ST18: variants seen among roughly 807,000 people sequenced by gnomAD.
The protein encoded by ST18 is ST18 C2H2C-type zinc finger transcription factor.
Under a neutral mutation model 110.0 loss-of-function variants are expected in ST18, and 50 were observed. The ratio of observed to expected loss-of-function variants is 0.45; its 90% confidence interval spans 0.36 to 0.58. The LOEUF (loss-of-function observed/expected upper bound fraction) is 0.58, where lower values mean the gene tolerates loss of function less well. ST18 is among the 20% of genes least tolerant of loss of function. The pLI is 0.00. For synonymous variants in ST18, 461 were observed against 452.4 expected, an observed-to-expected ratio of 1.02 and a Z score of -0.24; for missense variants, 1,306 against 1,280.1, an observed-to-expected ratio of 1.02 and a Z score of -0.31.
rs75164967 is a variant in ST18, at chr8:52,188,167, T to A, written c.87-7855A>T. On this transcript the variant is annotated intron_variant, in intron 8 of 25. Transcript: ENST00000689386. ...AGAAAAGAGATAGAAAATCCTTAAA[T>A]TGAGTAAAATACATAATATGTTTGA... Among the ~76,000 whole-genome samples the A allele has an allele frequency of 3.3e-5, 5 of 152,252 alleles. No homozygotes were observed. In the South Asian group the frequency reaches 8.3e-4, roughly 25 times the overall value.
At chr8:52,132,632 T>C (rs951670590) in intron 21 of ST18, among the ~76,000 whole-genome samples, 21 of 152,246 alleles carry the variant, frequency 1.4e-4, no homozygotes, top group African/African-American at 5.1e-4. Flanking sequence ...AAATATTGCA[T>C]TTAGAACTGT....
intron 2 of ST18, among the ~76,000 whole-genome samples, chr8:52,307,333 A>G (rs367906566): frequency 6.6e-6 from 1 of 152,344 alleles, no homozygotes; most frequent in East Asian, 1.9e-4. Flanking sequence ...AGGGGAAGAC[A>G]GTGAACAAAA....
chr8:52,406,347 G>T (rs2141164354), intron 2 of ST18: 1 of 152,458 alleles, frequency 6.6e-6, no homozygotes, highest in South Asian at 2.1e-4. Context: ...GCTTCCCAGT[G>T]GGTTATGTGA....
chr8:52,271,016 A>G (rs2138894064), intron 2 of ST18, among the ~76,000 whole-genome samples: 1 of 151,684 alleles, frequency 6.6e-6, no homozygotes, highest in South Asian at 2.1e-4. Flanking sequence ...CTCCTGCCTC[A>G]GCCTCCCGAG....
intron 2 of ST18, among the ~76,000 whole-genome samples, chr8:52,340,409 T>C (rs539011009): frequency 6.6e-6 from 1 of 152,138 alleles, no homozygotes; most frequent in African/African-American, 2.4e-5. Context: ...TTCCTTCTGC[T>C]CCTCCCCTAC....
chr8:52,164,167 C>T, intron 12 of ST18, 77 bp from the exon 13 acceptor site: 1 of 1,123,894 alleles, frequency 8.9e-7, no homozygotes, highest in South Asian at 1.3e-5. Flanking sequence ...CCTCACAGCA[C>T]ACTTGGCACA....
At chr8:52,175,359 G>A (rs547391697) in intron 9 of ST18, among the ~76,000 whole-genome samples, 1 of 152,272 alleles carries the variant, frequency 6.6e-6, no homozygotes, top group South Asian at 2.1e-4. Flanking sequence ...GACGGGCAGG[G>A]TCCCACTATT....
chr8:52,232,587 C>T (rs984179296), intron 2 of ST18, among the ~76,000 whole-genome samples: 2 of 151,988 alleles, frequency 1.3e-5, no homozygotes, highest in Admixed American at 6.6e-5. Context: ...TTGATCATTG[C>T]TATTTTGAAG....
At chr8:52,392,574 T>G (rs2140992558) in intron 2 of ST18, among the ~76,000 whole-genome samples, 1 of 152,296 alleles carries the variant, frequency 6.6e-6, no homozygotes, top group Non-Finnish European at 1.5e-5. Context: ...TGCAGGGTCT[T>G]GACCACAAGT....
intron 2 of ST18, among the ~76,000 whole-genome samples, chr8:52,316,363 G>T: frequency 6.6e-6 from 1 of 152,118 alleles, no homozygotes; most frequent in African/African-American, 2.4e-5. Context: ...GCTGGTAGGG[G>T]CTCCCCCAGC....
chr8:52,390,545 G>A (rs574772404), intron 2 of ST18, among the ~76,000 whole-genome samples: 1 of 152,312 alleles, frequency 6.6e-6, no homozygotes, highest in Admixed American at 6.5e-5. Context: ...AAATATGTCC[G>A]ATTCCGACAT....
Position 52,209,569 on chromosome 8 carries a change from C to T in ST18, c.86+2510G>A, listed in dbSNP as rs549093921. Among the ~76,000 whole-genome samples, 9 of 151,576 alleles carry T rather than the reference C, an allele frequency of 5.9e-5. No individual in the cohort carries two copies. The South Asian group carries it at 1.0e-3, about 18-fold the overall frequency. On this transcript the variant is annotated intron_variant, in intron 8 of 25. Transcript: ENST00000689386. ...GGTGGATCACCTGAGATCAGGAGTT[C>T]GAGACCAGCCGGACCAACATGGAGA...
chr8:52,390,372 T>G (rs1838883408), intron 2 of ST18, among the ~76,000 whole-genome samples: 3 of 152,096 alleles, frequency 2.0e-5, no homozygotes, highest in Admixed American at 6.6e-5. Context: ...AGTGCACTAT[T>G]TACACGCACA....
At chr8:52,367,452 T>C (rs1564592498) in intron 2 of ST18, among the ~76,000 whole-genome samples, 4 of 152,076 alleles carry the variant, frequency 2.6e-5, no homozygotes, top group Admixed American at 6.5e-5. Context: ...TTAAAAAATT[T>C]AAAAATATCC....
intron 23 of ST18, among the ~76,000 whole-genome samples, chr8:52,118,927 G>C (rs140844340): frequency 3.5e-4 from 54 of 152,270 alleles, no homozygotes; most frequent in African/African-American, 1.2e-3. Flanking sequence ...ACAGTTTTAT[G>C]CTGAGTAATT....
intron 2 of ST18, among the ~76,000 whole-genome samples, chr8:52,394,622 T>C (rs1033460655): frequency 3.9e-5 from 6 of 152,174 alleles, no homozygotes; most frequent in Non-Finnish European, 1.5e-5. Flanking sequence ...CAAAGCTCTC[T>C]CTCTTTAAAT....
intron 2 of ST18, among the ~76,000 whole-genome samples, chr8:52,273,533 C>G (rs2095143822): frequency 6.6e-6 from 1 of 152,178 alleles, no homozygotes; most frequent in African/African-American, 2.4e-5. Context: ...CTAAGAGTTA[C>G]AGTCAACTCT....
intron 2 of ST18, among the ~76,000 whole-genome samples, chr8:52,388,785 A>G (rs1290083224): frequency 7.5e-6 from 1 of 133,210 alleles, no homozygotes; most frequent in Admixed American, 8.1e-5. Flanking sequence ...TGGACACAGG[A>G]AGGGGAACAT....
chr8:52,143,060 A>T lies in ST18; in HGVS notation c.2053-15T>A. On this transcript the variant is annotated splice_polypyrimidine_tract_variant and intron_variant, in intron 16 of 25. Transcript: ENST00000689386. ...ACTGGGTCTTTCTGGAAAACAAACA[A>T]AAAACAAACAAAACACAGAAGCCAT... 1 of 1,521,900 alleles carries T rather than the reference A, an allele frequency of 6.6e-7. No individual in the cohort carries two copies. The highest frequency in any genetic ancestry group is 9.1e-7 in the Non-Finnish European group (1 of 1,098,192). The allele number at this position is 1,521,900 out of a possible 1,614,324, so 94.3% of individuals were successfully genotyped here.
Sources: allele counts gnomAD v4.1 joint callset (sites outside exome capture counted in the v4.1 genomes callset), GRCh38; gene constraint gnomAD v4.1.1; transcripts MANE v1.5; gene names NCBI Gene and HGNC (gene_info 2026-07-23, HGNC 2026-07-21).